The following CACNA2D4 variants were observed in gnomAD, a reference collection of about 807,000 sequenced individuals.
CACNA2D4 encodes the protein voltage-dependent calcium channel subunit alpha-2/delta-4.
A neutral mutation model predicts 163.8 loss-of-function variants in CACNA2D4; 157 were observed. That is an observed-to-expected ratio of 0.96 (90% CI 0.84 to 1.09). The LOEUF (loss-of-function observed/expected upper bound fraction) is 1.09. Among genes scored for constraint, CACNA2D4 ranks in the 50% least tolerant of loss-of-function variants. The pLI is 0.00. For missense variants in CACNA2D4, 1,410 were observed against 1,479.9 expected, an observed-to-expected ratio of 0.95 and a Z score of 0.78; for synonymous variants, 598 against 586.9, an observed-to-expected ratio of 1.02 and a Z score of -0.27.
rs935625461 is a variant in CACNA2D4 at position 1,843,865 on chromosome 12, C to T, written c.2470+537G>A. ...CCTCCCCACCACCTGCCTGGCACAG[C>T]CTCTCTCTTGAGCTGAGAGGGGCTT... On this transcript the variant is annotated intron_variant, in intron 25 of 37. Transcript: ENST00000382722. The surrounding 1 kb of genome is among the most constrained non-coding windows in gnomAD (Gnocchi z 4.6). 2.0e-5 allele frequency among the ~76,000 whole-genome samples: 3 copies of T among 152,158 alleles called. No homozygotes were observed. Among genetic ancestry groups the T allele is most frequent in the Non-Finnish European group, 4.4e-5 (3 of 68,034 alleles).
intron 29 of CACNA2D4, 39 bp from the exon 30 acceptor site, chr12:1,801,683 A>AGATGGAGCAG (rs761469853): frequency 1.0e-5 from 15 of 1,433,146 alleles, no homozygotes; most frequent in Middle Eastern, 1.7e-4. Context: ...GGAGGGAGAG[A>AGATGGAGCAG]GATGGAGCAG....
At chr12:1,866,267 A>C (rs1264313570) in intron 18 of CACNA2D4, among the ~76,000 whole-genome samples, 1 of 152,190 alleles carries the variant, frequency 6.6e-6, no homozygotes, top group Non-Finnish European at 1.5e-5. Context: ...AATGTAATAA[A>C]TTGCACTGAC....
intron 6 of CACNA2D4, among the ~76,000 whole-genome samples, chr12:1,890,996 T>A (rs530457444): frequency 5.9e-5 from 9 of 152,274 alleles, no homozygotes; most frequent in African/African-American, 2.2e-4. Flanking sequence ...GGCAGAGGGT[T>A]GCCCCACCAC....
intron 18 of CACNA2D4, among the ~76,000 whole-genome samples, chr12:1,866,787 A>ATTTTTTT (rs34111398): frequency 7.3e-6 from 1 of 136,530 alleles, no homozygotes; most frequent in African/African-American, 2.7e-5. Context: ...CACCTGGCTA[A>ATTTTTTT]TTTTTTTTTT....
At chr12:1,801,497 G>C in intron 30 of CACNA2D4, 77 bp downstream of exon 30, 1 of 1,213,640 alleles carries the variant, frequency 8.2e-7, no homozygotes, top group Non-Finnish European at 1.2e-6. Flanking sequence ...AGGATCCTGA[G>C]ATCCGCCAGG....
intron 18 of CACNA2D4, among the ~76,000 whole-genome samples, chr12:1,870,825 T>C (rs1865754015): frequency 6.6e-6 from 1 of 152,010 alleles, no homozygotes; most frequent in Non-Finnish European, 1.5e-5. Flanking sequence ...AAGACGAGGC[T>C]GGGAGTAAAG....
chr12:1,886,312 T>C lies in CACNA2D4; in HGVS notation c.904A>G (p.Met302Val). 1.9e-6 allele frequency: 3 copies of C among 1,613,894 alleles called. No individual in the cohort carries two copies. Among genetic ancestry groups the C allele is most frequent in the Non-Finnish European group, 1.7e-6 (2 of 1,179,782 alleles). Reference protein sequence around the residue: ...IVILVDVSGSMKGLRMTIAKH... With the variant: ...IVILVDVSGSVKGLRMTIAKH... ...GCAATAGTCATCCTCAGCCCCTTCA[T>C]ACTGCCGCTCACGTCCACCAAAATC... Residue 302 changes from methionine to valine, a missense_variant, in exon 8 of 38, where the codon ATG becomes GTG. Met to Val is a conservative substitution (Grantham distance 21). Transcript: ENST00000382722.
chr12:1,857,886 C>T (rs192692599), intron 20 of CACNA2D4, among the ~76,000 whole-genome samples: 1 of 152,286 alleles, frequency 6.6e-6, no homozygotes, highest in East Asian at 1.9e-4. Context: ...TTAGGATAGG[C>T]CCTGATCCCA....
At position 1,874,256 on chromosome 12, in the gene CACNA2D4, T is replaced by C. The variant is rs1865839988; in HGVS notation, c.1878+348A>G. Among the ~76,000 whole-genome samples the C allele has an allele frequency of 3.3e-5, 5 of 152,298 alleles. 1 individual carries two copies. In the South Asian group the frequency reaches 1.0e-3, roughly 32 times the overall value. The stretch of plus-strand genomic sequence containing the variant: ...CACTTCACAAGAGCTGCTTACCATT[T>C]ACAAAATCAGCTGTCACGTTTCCCC... On this transcript the variant is annotated intron_variant, in intron 18 of 37. Coordinates refer to ENST00000382722, the MANE Select transcript of CACNA2D4 (RefSeq NM_172364.5). This position sits in a 1 kb window ranked among gnomAD's most constrained non-coding sequence, Gnocchi z 4.4.
intron 29 of CACNA2D4, among the ~76,000 whole-genome samples, chr12:1,810,019 G>A (rs948346223): frequency 3.9e-5 from 6 of 152,234 alleles, no homozygotes; most frequent in Non-Finnish European, 7.3e-5. Flanking sequence ...GGCACGGGAG[G>A]AGGCCAGGCT....
intron 26 of CACNA2D4, among the ~76,000 whole-genome samples, chr12:1,817,967 T>C (rs1320904200): frequency 3.5e-5 from 5 of 144,762 alleles, no homozygotes; most frequent in South Asian, 2.2e-4. Flanking sequence ...GTGAGGAGCC[T>C]CTCTGTCTGG....
At chr12:1,891,397 C>T (rs980071550) in intron 6 of CACNA2D4, among the ~76,000 whole-genome samples, 2 of 152,182 alleles carry the variant, frequency 1.3e-5, no homozygotes, top group Non-Finnish European at 2.9e-5. Flanking sequence ...AAATGTCCTA[C>T]CCAACCAACA....
chr12:1,793,315 T>C lies in CACNA2D4; in HGVS notation c.*340A>G, dbSNP rs1349354178. On this transcript the variant is annotated 3_prime_UTR_variant, in exon 38 of 38. Transcript: ENST00000382722. ...CCCTTTCTTGGCTGGGTCTGGACTC[T>C]GGAGTACAGGAAGAACTAAATTATT... The C allele has an allele frequency of 5.8e-6, 2 of 347,190 alleles. No homozygotes were observed. Among genetic ancestry groups the C allele is most frequent in the Non-Finnish European group, 1.1e-5 (2 of 183,082 alleles). 21.5% of individuals were successfully genotyped at this position (347,190 alleles called of 1,614,324 possible).
intron 6 of CACNA2D4, among the ~76,000 whole-genome samples, chr12:1,904,853 G>T (rs1004904833): frequency 2.5e-4 from 38 of 151,880 alleles, no homozygotes; most frequent in Non-Finnish European, 3.7e-4. Flanking sequence ...AAAGCTTAAG[G>T]CTTATAGAAA....
chr12:1,911,630 G>A (rs547818204), intron 3 of CACNA2D4, among the ~76,000 whole-genome samples: 7 of 152,256 alleles, frequency 4.6e-5, no homozygotes, highest in South Asian at 2.1e-4. Context: ...TACACCACCC[G>A]CAGGAGGCGC....
In CACNA2D4 at chr12:1,869,473, G is replaced by A. The variant is rs562003412; in HGVS notation, c.1878+5131C>T. On this transcript the variant is annotated intron_variant, in intron 18 of 37. Transcript: ENST00000382722. The surrounding 1 kb of genome is among the most constrained non-coding windows in gnomAD (Gnocchi z 4.7). ...CATGGAAGGCACTGGCTCCGTCTGC[G>A]GGTCATCTGCCATCCTGATGGGTAG... is the stretch of plus-strand genomic sequence containing the variant. 6.7e-4 allele frequency among the ~76,000 whole-genome samples: 102 copies of A among 152,312 alleles called. No homozygotes were observed. The highest frequency in any genetic ancestry group is 2.3e-3 in the African/African-American group (94 of 41,580).
In CACNA2D4 at chr12:1,792,160, GA is replaced by G. The variant is rs1466210236; in HGVS notation, c.*1494del. On this transcript the variant is annotated 3_prime_UTR_variant, in exon 38 of 38. Coordinates refer to ENST00000382722, the MANE Select transcript of CACNA2D4 (RefSeq NM_172364.5). ...GGCTGTTGTGAGGATGGAATGAGCT[GA>G]AACATGTTATTTGGTACATGTAAAC... The G allele has an allele frequency of 6.6e-6, 1 of 152,204 alleles. No homozygotes were observed. The highest frequency in any genetic ancestry group is 1.5e-5 in the Non-Finnish European group (1 of 68,034). The allele number at this position is 152,204 out of a possible 1,614,324, so 9.4% of individuals were successfully genotyped here.
Position 1,828,042 on chromosome 12 carries a change from G to T in CACNA2D4, c.2551+12697C>A. 1 of 1,079,016 alleles carries T rather than the reference G, an allele frequency of 9.3e-7. No individual in the cohort carries two copies. The highest frequency in any genetic ancestry group is 1.9e-5 in the South Asian group (1 of 51,438). The allele number at this position is 1,079,016 out of a possible 1,614,324, so 66.8% of individuals were successfully genotyped here. ...CCCTGGGCTGGAACGGGGCTCCCGCGCCTGCCTGTGCTCAGTGCTCCTCCC... is the reference window on the plus strand; with the variant it reads ...CCCTGGGCTGGAACGGGGCTCCCGCTCCTGCCTGTGCTCAGTGCTCCTCCC... On this transcript the variant is annotated intron_variant, in intron 26 of 37. Coordinates refer to ENST00000382722, the MANE Select transcript of CACNA2D4 (RefSeq NM_172364.5). The surrounding 1 kb of genome is among the most constrained non-coding windows in gnomAD (Gnocchi z 4.2).
chr12:1,826,397 A>T (rs1864316804), intron 26 of CACNA2D4, among the ~76,000 whole-genome samples: 1 of 112,528 alleles, frequency 8.9e-6, no homozygotes, highest in Non-Finnish European at 1.7e-5. Context: ...ATTTGAACCC[A>T]GAGCCCCCCC....
Sources: gnomAD v4.1 joint callset for allele counts (sites outside exome capture counted in the v4.1 genomes callset) on GRCh38, gnomAD v4.1.1 for gene constraint, Gnocchi (gnomAD v3.1) non-coding constraint, MANE v1.5 for transcripts, NCBI Gene and HGNC (gene_info 2026-07-23, HGNC 2026-07-21) for gene names.